TMIGD3: variants seen among roughly 807,000 people sequenced by gnomAD.
The protein encoded by TMIGD3 is transmembrane and immunoglobulin domain containing 3.
Under a neutral mutation model 28.1 loss-of-function variants are expected in TMIGD3, and 21 were observed. The observed-to-expected ratio is 0.75, with a 90% CI of 0.53 to 1.08. The LOEUF (loss-of-function observed/expected upper bound fraction) is 1.08, where lower values mean the gene tolerates loss of function less well. TMIGD3 is among the 50% of genes least tolerant of loss of function. The pLI is 0.00. For missense variants in TMIGD3, 416 were observed against 435.6 expected (o/e 0.96, Z 0.40); for synonymous variants, 151 against 162.1 (o/e 0.93, Z 0.52).
At chr1:111,521,154 T>C (rs1333349177) in intron 1 of TMIGD3, among the ~76,000 whole-genome samples, 1 of 152,238 alleles carries the variant, frequency 6.6e-6, no homozygotes, top group Non-Finnish European at 1.5e-5. Flanking sequence ...GATTCCATTG[T>C]GTGGATCTAT....
chr1:111,540,884 T>C (rs1288218293), intron 1 of TMIGD3, among the ~76,000 whole-genome samples: 1 of 152,208 alleles, frequency 6.6e-6, no homozygotes, highest in African/African-American at 2.4e-5. Context: ...AAGAGGACAT[T>C]AGTATTATGC....
In TMIGD3 at chr1:111,540,128, G is replaced by A. The variant is rs114121979; in HGVS notation, c.107+23718C>T. On this transcript the variant is annotated intron_variant, in intron 1 of 5. Coordinates refer to the TMIGD3 transcript ENST00000369717. ...ATTGCTAATTGGGAATGTGATTATA[G>A]TGGTTTGTAATTTGTTAACTTGGTT... is the stretch of plus-strand genomic sequence containing the variant. Among the ~76,000 whole-genome samples, 523 of 152,282 alleles carry A rather than the reference G, an allele frequency of 3.4e-3. 1 individual carries two copies. The highest frequency in any genetic ancestry group is 0.012 in the African/African-American group (500 of 41,558).
At position 111,488,793 on chromosome 1, in the gene TMIGD3, G is replaced by A. The variant is rs368555192; in HGVS notation, c.689C>T (p.Thr230Met). 1.1e-5 allele frequency: 18 copies of A among 1,614,020 alleles called. No homozygotes were observed. Among genetic ancestry groups the A allele is most frequent in the African/African-American group, 5.3e-5 (4 of 74,900 alleles). The change falls in exon 3 of 6, where the codon ACG becomes ATG. Residue 230 changes from threonine to methionine, a missense_variant. Transcript: ENST00000369716. ...VTMSCLTKED[T>M]GWYWCGIQRD... ...CTGGATGCCACACCAGTACCAGCCC[G>A]TGTCCTCTTTGGTCAGGCAGGACAT...
intron 1 of TMIGD3, among the ~76,000 whole-genome samples, chr1:111,560,149 A>G (rs760191370): frequency 3.2e-4 from 48 of 152,206 alleles, no homozygotes; most frequent in Non-Finnish European, 5.9e-4. Context: ...AAAATTGTCT[A>G]GCATTCTCTT....
At chr1:111,551,158 A>C (rs948629353) in intron 1 of TMIGD3, among the ~76,000 whole-genome samples, 1 of 152,144 alleles carries the variant, frequency 6.6e-6, no homozygotes, top group African/African-American at 2.4e-5. Flanking sequence ...TACAAACAGC[A>C]TATAGTTGGA....
chr1:111,548,211 G>T (rs1165533849), intron 1 of TMIGD3, among the ~76,000 whole-genome samples: 1 of 152,152 alleles, frequency 6.6e-6, no homozygotes, highest in Non-Finnish European at 1.5e-5. Context: ...AGTAGAGATG[G>T]GGTTTCCCCA....
intron 1 of TMIGD3, among the ~76,000 whole-genome samples, chr1:111,545,981 G>A (rs1486237723): frequency 1.3e-5 from 2 of 152,142 alleles, no homozygotes; most frequent in Non-Finnish European, 2.9e-5. Flanking sequence ...TAGTCTATAT[G>A]TCTAGCCTTA....
At chr1:111,563,856 G>T (rs1657843384) in exon 1 of TMIGD3, 2 of 1,612,906 alleles carry the variant, frequency 1.2e-6, no homozygotes, top group Non-Finnish European at 1.7e-6. Context: ...TGTGACTCAG[G>T]ACTCAAGCAG....
chr1:111,495,539 A>G (rs1051043771), intron 1 of TMIGD3, among the ~76,000 whole-genome samples: 2 of 152,228 alleles, frequency 1.3e-5, no homozygotes, highest in Non-Finnish European at 2.9e-5. Flanking sequence ...TTCAACTAGT[A>G]TACTAATTGA....
At chr1:111,508,569 T>C (rs1655591478), upstream of TMIGD3, among the ~76,000 whole-genome samples, 2 of 152,222 alleles carry the variant, frequency 1.3e-5, no homozygotes, top group Admixed American at 1.3e-4. Context: ...GCCAACTGCC[T>C]GAAGTCAATC....
intron 1 of TMIGD3, among the ~76,000 whole-genome samples, chr1:111,538,143 G>A (rs1656701643): frequency 6.6e-6 from 1 of 152,154 alleles, no homozygotes; most frequent in African/African-American, 2.4e-5. Flanking sequence ...TTCCTATGAT[G>A]TGCAGAAAAC....
chr1:111,547,485 AAAAATAT>A (rs1393653886), intron 1 of TMIGD3, among the ~76,000 whole-genome samples: 1 of 152,160 alleles, frequency 6.6e-6, no homozygotes, highest in Non-Finnish European at 1.5e-5. Context: ...AATGGAGTTA[AAAAATAT>A]AAAATATAAA....
At chr1:111,543,848 T>G (rs908498375) in intron 1 of TMIGD3, among the ~76,000 whole-genome samples, 2 of 152,126 alleles carry the variant, frequency 1.3e-5, no homozygotes, top group African/African-American at 2.4e-5. Flanking sequence ...TTGAAGTTGG[T>G]AAGGGTTTAT....
At chr1:111,539,281 T>C (rs1325624494) in intron 1 of TMIGD3, among the ~76,000 whole-genome samples, 1 of 152,126 alleles carries the variant, frequency 6.6e-6, no homozygotes, top group Non-Finnish European at 1.5e-5. Context: ...TCCCAGTGTC[T>C]GTTGTTCCCA....
chr1:111,502,125 G>GGA (rs1329627525), intron 1 of TMIGD3, among the ~76,000 whole-genome samples: 11,971 of 44,792 alleles, frequency 0.27, 2,725 homozygotes, highest in Non-Finnish European at 0.34. Flanking sequence ...TAAATATATA[G>GGA]GATATATATT....
At chr1:111,506,897 A>AATAT (rs370686831), upstream of TMIGD3, among the ~76,000 whole-genome samples, 1,724 of 131,338 alleles carry the variant, frequency 0.013, 19 homozygotes, top group Non-Finnish European at 0.019. Flanking sequence ...AAAAACAAAA[A>AATAT]ATATATATAT....
chr1:111,531,289 A>G (rs896895941), intron 1 of TMIGD3, among the ~76,000 whole-genome samples: 1 of 152,090 alleles, frequency 6.6e-6, no homozygotes, highest in African/African-American at 2.4e-5. Context: ...GAAAAGAAAA[A>G]AAAAAAAACC....
intron 1 of TMIGD3, among the ~76,000 whole-genome samples, chr1:111,514,410 C>T (rs529710990): frequency 1.3e-5 from 2 of 151,964 alleles, no homozygotes; most frequent in Non-Finnish European, 2.9e-5. Flanking sequence ...ATTAGTTGGG[C>T]GTGGTGTAAA....
chr1:111,501,701 A>T (rs1571414330), intron 1 of TMIGD3, among the ~76,000 whole-genome samples: 3 of 152,164 alleles, frequency 2.0e-5, no homozygotes, highest in Non-Finnish European at 2.9e-5. Flanking sequence ...GAGCATCGTA[A>T]CCACTGTGAT....
Sources: gnomAD v4.1 joint callset for allele counts (sites outside exome capture counted in the v4.1 genomes callset) on GRCh38, gnomAD v4.1.1 for gene constraint, MANE v1.5 for transcripts, NCBI Gene and HGNC (gene_info 2026-07-23, HGNC 2026-07-21) for gene names.